ERBB4: variants seen among roughly 807,000 people sequenced by gnomAD.
ERBB4 encodes receptor tyrosine-protein kinase erbB-4.
Under a neutral mutation model 158.0 loss-of-function variants are expected in ERBB4, and 42 were observed. That is an observed-to-expected ratio of 0.27 (90% CI 0.21 to 0.34). The LOEUF is 0.34. ERBB4 is among the 10% of genes least tolerant of loss of function. The pLI is 1.00. For missense variants in ERBB4, 1,333 were observed against 1,624.1 expected, an observed-to-expected ratio of 0.82 and a Z score of 3.08; for synonymous variants, 583 against 558.7, an observed-to-expected ratio of 1.04 and a Z score of -0.61.
chr2:212,050,852 T>C (rs1479069797), intron 2 of ERBB4, among the ~76,000 whole-genome samples: 2 of 152,176 alleles, frequency 1.3e-5, no homozygotes, highest in Middle Eastern at 3.2e-3. Flanking sequence ...TCTTAAATAA[T>C]GCAGGCAAAA....
chr2:212,248,822 G>C (rs1470723751), intron 1 of ERBB4, among the ~76,000 whole-genome samples: 1 of 151,920 alleles, frequency 6.6e-6, no homozygotes, highest in African/African-American at 2.4e-5. Context: ...ATTGATACAT[G>C]ATTCTTAGTA....
intron 2 of ERBB4, among the ~76,000 whole-genome samples, chr2:212,024,262 C>A (rs1053822648): frequency 1.3e-5 from 2 of 151,890 alleles, no homozygotes; most frequent in African/African-American, 4.8e-5. Flanking sequence ...CCTCTGTCCC[C>A]CTTCTTGCTC....
chr2:212,464,977 T>C (rs1204642756), intron 1 of ERBB4, among the ~76,000 whole-genome samples: 1 of 151,214 alleles, frequency 6.6e-6, no homozygotes, highest in Admixed American at 6.6e-5. Context: ...CAATCAGAAA[T>C]ATTATAATAC....
At chr2:211,823,538 T>C (rs2077037496) in intron 3 of ERBB4, among the ~76,000 whole-genome samples, 1 of 152,012 alleles carries the variant, frequency 6.6e-6, no homozygotes, top group Non-Finnish European at 1.5e-5. Flanking sequence ...CTAAAACTCA[T>C]TCCTAGCAGA....
intron 2 of ERBB4, among the ~76,000 whole-genome samples, chr2:212,042,486 A>G (rs2077164060): frequency 1.3e-5 from 2 of 152,082 alleles, no homozygotes; most frequent in African/African-American, 4.8e-5. Flanking sequence ...GCTAAATATG[A>G]CAGTATACTG....
At chr2:212,475,768 T>A (rs538363443) in intron 1 of ERBB4, among the ~76,000 whole-genome samples, 1 of 152,280 alleles carries the variant, frequency 6.6e-6, no homozygotes, top group East Asian at 1.9e-4. Context: ...ACAAAAGTTA[T>A]TGGGGTTTTA....
intron 19 of ERBB4, among the ~76,000 whole-genome samples, chr2:211,601,987 T>C (rs996698760): frequency 6.6e-6 from 1 of 152,180 alleles, no homozygotes; most frequent in African/African-American, 2.4e-5. Flanking sequence ...TGAGTTCTTT[T>C]AAACATATCT....
intron 2 of ERBB4, among the ~76,000 whole-genome samples, chr2:211,953,850 C>G (rs1377866607): frequency 1.4e-5 from 2 of 142,462 alleles, no homozygotes; most frequent in Non-Finnish European, 3.0e-5. Context: ...AGCAATAAGT[C>G]CAGGAAAAAA....
At chr2:212,292,363 A>G (rs554452506) in intron 1 of ERBB4, among the ~76,000 whole-genome samples, 10 of 152,172 alleles carry the variant, frequency 6.6e-5, no homozygotes, top group African/African-American at 2.2e-4. Context: ...TCAGAATATA[A>G]TACTGGCAGA....
At chr2:211,534,257 GTATAC>G (rs2066583759) in intron 20 of ERBB4, among the ~76,000 whole-genome samples, 2 of 152,080 alleles carry the variant, frequency 1.3e-5, no homozygotes. Context: ...GGATTTACAG[GTATAC>G]TTATGACTTG....
intron 9 of ERBB4, among the ~76,000 whole-genome samples, chr2:211,709,629 T>A (rs1391307962): frequency 6.6e-6 from 1 of 152,092 alleles, no homozygotes; most frequent in Non-Finnish European, 1.5e-5. Flanking sequence ...ACAGCAGTTA[T>A]CACAAGGTTG....
intron 3 of ERBB4, among the ~76,000 whole-genome samples, chr2:211,808,671 A>T (rs973496824): frequency 1.4e-4 from 22 of 152,178 alleles, no homozygotes; most frequent in Non-Finnish European, 2.5e-4. Context: ...GAAGAAAGTC[A>T]TTGGTAGCTT....
intron 4 of ERBB4, chr2:211,777,844 A>C (rs2075923376): frequency 6.6e-6 from 1 of 152,146 alleles, no homozygotes; most frequent in African/African-American, 2.4e-5. Flanking sequence ...CCTCTCCATT[A>C]ATACTAACTA....
chr2:211,762,783 A>G (rs1427297774), intron 4 of ERBB4, among the ~76,000 whole-genome samples: 1 of 152,216 alleles, frequency 6.6e-6, no homozygotes, highest in Non-Finnish European at 1.5e-5. Context: ...GCCCATGGCA[A>G]CAGTTCTAAA....
intron 20 of ERBB4, among the ~76,000 whole-genome samples, chr2:211,552,080 T>C (rs988949802): frequency 6.6e-6 from 1 of 152,120 alleles, no homozygotes; most frequent in Non-Finnish European, 1.5e-5. Flanking sequence ...ACTCCCACTC[T>C]GCCACCAATA....
chr2:212,315,477 T>C (rs1042724975), intron 1 of ERBB4, among the ~76,000 whole-genome samples: 1 of 151,512 alleles, frequency 6.6e-6, no homozygotes, highest in Non-Finnish European at 1.5e-5. Flanking sequence ...CTTAAAATTA[T>C]TTTTAAAACA....
chr2:211,934,936 A>AAAAAAAAAAAAAAAC (rs1291745337), intron 3 of ERBB4, among the ~76,000 whole-genome samples: 1 of 150,106 alleles, frequency 6.7e-6, no homozygotes, highest in African/African-American at 2.4e-5. Flanking sequence ...TAAAAAAAAA[A>AAAAAAAAAAAAAAAC]AAAAACTGCC....
intron 2 of ERBB4, among the ~76,000 whole-genome samples, chr2:211,957,881 T>C (rs1200222915): frequency 2.0e-5 from 3 of 152,136 alleles, no homozygotes; most frequent in Non-Finnish European, 4.4e-5. Flanking sequence ...CTTTTATAAA[T>C]GTGATGTTTT....
chr2:212,096,371 C>T (rs7561071), intron 2 of ERBB4, among the ~76,000 whole-genome samples: 5 of 151,972 alleles, frequency 3.3e-5, no homozygotes, highest in Admixed American at 3.3e-4. Flanking sequence ...AGTATGCCAT[C>T]GTAACTACAG....
Sources: allele counts gnomAD v4.1 joint callset (sites outside exome capture counted in the v4.1 genomes callset), GRCh38; gene constraint gnomAD v4.1.1; transcripts MANE v1.5; gene names NCBI Gene and HGNC (gene_info 2026-07-23, HGNC 2026-07-21).